Variants in WDFY2 observed in about 807,000 individuals in gnomAD.
WDFY2 encodes the protein WD repeat and FYVE domain-containing protein 2.
In WDFY2, 36 loss-of-function variants were observed where a neutral mutation model predicts 56.4. The observed-to-expected ratio is 0.64, with a 90% CI of 0.49 to 0.84. WDFY2 has a LOEUF of 0.84. Among genes scored for constraint, WDFY2 ranks in the 40% least tolerant of loss-of-function variants. The probability of loss-of-function intolerance (pLI) is 0.00; values close to 1 mark genes in which losing one functional copy is unlikely to be tolerated. For synonymous variants in WDFY2, 176 were observed against 183.7 expected (o/e 0.96, Z 0.34); for missense variants, 444 against 512.2 (o/e 0.87, Z 1.29).
At chr13:51,703,765 C>G in intron 4 of WDFY2, 115 bp downstream of exon 4, 1 of 841,586 alleles carries the variant, frequency 1.2e-6, no homozygotes, top group Non-Finnish European at 1.8e-6. Context: ...AACAGAGCAA[C>G]CTTTTGAGTG....
chr13:51,671,356 G>A (rs1290929573), intron 2 of WDFY2, among the ~76,000 whole-genome samples: 6 of 152,040 alleles, frequency 3.9e-5, no homozygotes, highest in East Asian at 1.9e-4. Flanking sequence ...TTCCCTTTTC[G>A]CCACATCCAT....
intron 1 of WDFY2, among the ~76,000 whole-genome samples, chr13:51,640,680 C>T (rs957253579): frequency 6.6e-6 from 1 of 152,084 alleles, no homozygotes; most frequent in Non-Finnish European, 1.5e-5. Flanking sequence ...GAAACCCTGT[C>T]TCTACTAAAA....
intron 1 of WDFY2, among the ~76,000 whole-genome samples, chr13:51,640,423 G>A (rs543466144): frequency 1.3e-5 from 2 of 152,076 alleles, no homozygotes; most frequent in Non-Finnish European, 2.9e-5. Flanking sequence ...TCCACCCTTT[G>A]TTGGGTATGG....
At chr13:51,671,966 T>C (rs1180927704) in intron 2 of WDFY2, among the ~76,000 whole-genome samples, 1 of 152,022 alleles carries the variant, frequency 6.6e-6, no homozygotes, top group Admixed American at 6.6e-5. Flanking sequence ...GTATTTTTAA[T>C]AGAGATGGGG....
chr13:51,660,846 A>G (rs1252026529), intron 2 of WDFY2, among the ~76,000 whole-genome samples, 183 bp downstream of exon 2: 2 of 152,218 alleles, frequency 1.3e-5, no homozygotes, highest in South Asian at 2.1e-4. Flanking sequence ...TTGTTCTGAA[A>G]TTGACTCTAT....
intron 4 of WDFY2, among the ~76,000 whole-genome samples, chr13:51,715,565 C>G (rs1354424154): frequency 6.6e-6 from 1 of 152,058 alleles, no homozygotes; most frequent in Non-Finnish European, 1.5e-5. Flanking sequence ...CTGGATACTT[C>G]CTGCAGGACC....
intron 3 of WDFY2, among the ~76,000 whole-genome samples, chr13:51,684,084 A>C (rs764617336): frequency 6.6e-6 from 1 of 152,190 alleles, no homozygotes; most frequent in African/African-American, 2.4e-5. Context: ...TTTTATAAAT[A>C]TGTACTCATT....
chr13:51,675,559 C>T (rs1336136267), intron 3 of WDFY2, among the ~76,000 whole-genome samples: 2 of 152,186 alleles, frequency 1.3e-5, no homozygotes, highest in African/African-American at 4.8e-5. Context: ...TGGCTTTAAT[C>T]AGATGGTTAA....
chr13:51,662,657 G>A (rs11843665), intron 2 of WDFY2, among the ~76,000 whole-genome samples: 2,406 of 152,184 alleles, frequency 0.016, 62 homozygotes, highest in African/African-American at 0.055. Flanking sequence ...TCATCATTTA[G>A]TAAGCTATAT....
rs1435000978 is a variant in WDFY2 at position 51,764,805 on chromosome 13, T to TATCA, written c.*5037_*5040dup. 3 of 152,436 alleles carry TATCA rather than the reference T, an allele frequency of 2.0e-5. No homozygotes were observed. The highest frequency in any genetic ancestry group is 4.8e-5 in the African/African-American group (2 of 41,582). 9.4% of individuals were successfully genotyped at this position (152,436 alleles called of 1,614,324 possible). A position where few individuals can be genotyped will look rare whatever the true frequency, so the allele number is the denominator to read the frequency against. ...GAGTCTGAGAGGAGGAGGTGGAGAC[T>TATCA]ATCAGTGCACGGCCCGCAACCAGGA... is the stretch of plus-strand genomic sequence containing the variant. On this transcript the variant is annotated 3_prime_UTR_variant, in exon 12 of 12. Coordinates refer to ENST00000298125, the MANE Select transcript of WDFY2 (RefSeq NM_052950.4).
chr13:51,584,711 G>T lies in WDFY2; in HGVS notation c.24G>T (p.Lys8Asn), dbSNP rs572094629. The change falls in exon 1 of 12, where the codon AAG becomes AAT. Residue 8 changes from lysine to asparagine, a missense_variant. Lys to Asn is a moderately conservative substitution (Grantham distance 94, BLOSUM62 0). Transcript: ENST00000298125. MAAEIQP[K>N]PLTRKPILLQ... ...CGATGGCGGCGGAGATCCAGCCCAA[G>T]CCTCTGACCCGCAAGCCGATCCTGC... is the stretch of plus-strand genomic sequence containing the variant. 6 of 1,613,282 alleles carry T rather than the reference G, an allele frequency of 3.7e-6. No homozygotes were observed. The highest frequency in any genetic ancestry group is 5.1e-6 in the Non-Finnish European group (6 of 1,179,690).
At chr13:51,742,931 A>G (rs1156956214) in intron 7 of WDFY2, among the ~76,000 whole-genome samples, 3 of 152,260 alleles carry the variant, frequency 2.0e-5, no homozygotes, top group Non-Finnish European at 2.9e-5. Context: ...TGGTAAAGAA[A>G]TAGGCCACTT....
intron 1 of WDFY2, among the ~76,000 whole-genome samples, chr13:51,609,097 A>G (rs1954439737): frequency 6.6e-6 from 1 of 152,152 alleles, no homozygotes; most frequent in Non-Finnish European, 1.5e-5. Flanking sequence ...CTCTTTGCCT[A>G]TATGTTATTT....
At chr13:51,688,404 A>G (rs141470518) in intron 3 of WDFY2, among the ~76,000 whole-genome samples, 49 of 152,252 alleles carry the variant, frequency 3.2e-4, no homozygotes, top group African/African-American at 1.2e-3. Context: ...CTGAGTTTTA[A>G]TGTCATTTTG....
At chr13:51,694,740 T>C (rs1294764554) in intron 3 of WDFY2, among the ~76,000 whole-genome samples, 1 of 152,224 alleles carries the variant, frequency 6.6e-6, no homozygotes, top group African/African-American at 2.4e-5. Flanking sequence ...CCTTGCTAGA[T>C]TGGGGAAGTT....
intron 1 of WDFY2, chr13:51,590,549 A>G (rs907869725): frequency 6.6e-6 from 1 of 152,226 alleles, no homozygotes; most frequent in Non-Finnish European, 1.5e-5. Context: ...TTGTGATTTA[A>G]GACTACTGCA....
At chr13:51,637,029 G>A (rs1955068308) in intron 1 of WDFY2, among the ~76,000 whole-genome samples, 1 of 152,232 alleles carries the variant, frequency 6.6e-6, no homozygotes, top group South Asian at 2.1e-4. Flanking sequence ...ACTAGAATCT[G>A]CATTTTAACA....
rs748042337 is a variant in WDFY2 at position 51,660,577 on chromosome 13, A to C, written c.138-19A>C. On this transcript the variant is annotated intron_variant, in intron 1 of 11. Coordinates refer to ENST00000298125, the MANE Select transcript of WDFY2 (RefSeq NM_052950.4). Reference sequence around the variant, plus strand: ...CTAAGAATAATGTGATTTCATGTACATATTTTCTTCTGTTGTAGGACAGTT... The same window carrying C: ...CTAAGAATAATGTGATTTCATGTACCTATTTTCTTCTGTTGTAGGACAGTT... 6.2e-7 allele frequency: 1 copy of C among 1,608,574 alleles called. No homozygotes were observed. Among genetic ancestry groups the C allele is most frequent in the Non-Finnish European group, 8.5e-7 (1 of 1,175,464 alleles).
At position 51,760,551 on chromosome 13, in the gene WDFY2, T is replaced by G. The variant is rs1953549088; in HGVS notation, c.*782T>G. On this transcript the variant is annotated 3_prime_UTR_variant, in exon 12 of 12. Transcript: ENST00000298125. ...CTTCAACGATCAGTGCCTGGATCAT[T>G]TAGAATTCAGTTGGAGCCTCCTGAG... The G allele has an allele frequency of 6.6e-6, 1 of 152,192 alleles. No individual in the cohort carries two copies. Among genetic ancestry groups the G allele is most frequent in the African/African-American group, 2.4e-5 (1 of 41,440 alleles). 9.4% of individuals were successfully genotyped at this position (152,192 alleles called of 1,614,324 possible).
Sources: gnomAD v4.1 joint callset for allele counts (sites outside exome capture counted in the v4.1 genomes callset) on GRCh38, gnomAD v4.1.1 for gene constraint, MANE v1.5 for transcripts, NCBI Gene and HGNC (gene_info 2026-07-23, HGNC 2026-07-21) for gene names.